Variants in DLC1 observed in about 807,000 individuals in gnomAD.
DLC1 encodes DLC1 Rho GTPase activating protein, also known as rho GTPase-activating protein 7.
In DLC1, 54 loss-of-function variants were observed where a neutral mutation model predicts 140.3. The observed-to-expected ratio is 0.38, with a 90% CI of 0.31 to 0.48. DLC1 has a LOEUF of 0.48. Ranked by LOEUF, DLC1 falls within the 20% of genes least tolerant of loss-of-function variation. DLC1 has a pLI of 0.96. For synonymous variants in DLC1, 986 were observed against 728.1 expected (o/e 1.35, Z -5.70); for missense variants, 2,536 against 1,907.0 (o/e 1.33, Z -6.14).
chr8:13,315,440 A>G (rs1832828515), intron 4 of DLC1, among the ~76,000 whole-genome samples: 1 of 152,236 alleles, frequency 6.6e-6, no homozygotes, highest in African/African-American at 2.4e-5. Flanking sequence ...TGGGCAGAAG[A>G]GATGTCCTTG....
In DLC1 at chr8:13,091,383, T is replaced by C. The variant is rs750789954; in HGVS notation, c.3790A>G (p.Asn1264Asp). Reference sequence around the variant, plus strand: ...CCTTGAGTGGCAGCTAGGTTTTCATTCAAATCTTTCTGATCTGGTTTGCCC... The same window carrying C: ...CCTTGAGTGGCAGCTAGGTTTTCATCCAAATCTTTCTGATCTGGTTTGCCC... ...SLGKPDQKDL[N>D]ENLAATQGLA... is the part of the protein sequence containing the mutation. The change falls in exon 14 of 18, where the codon AAT becomes GAT. Residue 1264 changes from asparagine (N) to aspartate (D), a missense_variant. Physicochemically the swap from Asn to Asp is conservative, Grantham distance 23. Coordinates refer to ENST00000276297, the MANE Select transcript of DLC1 (RefSeq NM_182643.3). The C allele has an allele frequency of 1.2e-6, 2 of 1,614,082 alleles. No individual in the cohort carries two copies. Among genetic ancestry groups the C allele is most frequent in the African/African-American group, 2.7e-5 (2 of 74,924 alleles).
chr8:13,212,617 T>C (rs13261640), intron 5 of DLC1, among the ~76,000 whole-genome samples: 7,306 of 152,112 alleles, frequency 0.048, 317 homozygotes, highest in Middle Eastern at 0.068. Context: ...TGTGAGAAAA[T>C]AGAAGGAAAA....
chr8:13,299,897 C>T (rs562428078), intron 5 of DLC1, among the ~76,000 whole-genome samples: 1 of 152,210 alleles, frequency 6.6e-6, no homozygotes, highest in Admixed American at 6.5e-5. Flanking sequence ...GATTTTGAAC[C>T]AGAAATGCCA....
chr8:13,431,617 T>C (rs1357841573), intron 2 of DLC1, among the ~76,000 whole-genome samples: 1 of 147,806 alleles, frequency 6.8e-6, no homozygotes, highest in Non-Finnish European at 1.5e-5. Context: ...CCATGGCAAA[T>C]ATGGCTACCT....
At chr8:13,378,721 G>A (rs1395175005) in intron 4 of DLC1, among the ~76,000 whole-genome samples, 1 of 152,034 alleles carries the variant, frequency 6.6e-6, no homozygotes, top group East Asian at 1.9e-4. Context: ...CCTGAAAGAT[G>A]AACAGAACTT....
chr8:13,425,957 C>T (rs1223237715), intron 2 of DLC1, among the ~76,000 whole-genome samples: 1 of 152,062 alleles, frequency 6.6e-6, no homozygotes, highest in Non-Finnish European at 1.5e-5. Flanking sequence ...GTACCACAGG[C>T]ATGCACCACC....
intron 5 of DLC1, among the ~76,000 whole-genome samples, chr8:13,141,240 G>C (rs1321041270): frequency 6.1e-5 from 7 of 114,050 alleles, no homozygotes; most frequent in Non-Finnish European, 1.0e-4. Context: ...GGGTGACACA[G>C]TGCAAGAGTC....
At chr8:13,290,892 C>T (rs924944560) in intron 5 of DLC1, among the ~76,000 whole-genome samples, 1 of 152,168 alleles carries the variant, frequency 6.6e-6, no homozygotes, top group African/African-American at 2.4e-5. Flanking sequence ...GTGGCCAGAG[C>T]TGGAGACTGT....
At chr8:13,376,414 A>G (rs1043501320) in intron 4 of DLC1, among the ~76,000 whole-genome samples, 1 of 152,112 alleles carries the variant, frequency 6.6e-6, no homozygotes, top group Non-Finnish European at 1.5e-5. Flanking sequence ...ACTTGGTGCT[A>G]TAAGAAACAT....
intron 1 of DLC1, chr8:13,567,487 T>C: frequency 6.4e-7 from 1 of 1,552,106 alleles, no homozygotes; most frequent in Non-Finnish European, 8.7e-7. Flanking sequence ...TGCCTTTAGT[T>C]GTACTGTACC....
intron 5 of DLC1, among the ~76,000 whole-genome samples, chr8:13,279,391 C>G (rs144930969): frequency 2.3e-4 from 35 of 152,190 alleles, no homozygotes; most frequent in Non-Finnish European, 4.4e-4. Context: ...CCTGCCTATT[C>G]CTAGTGCAGG....
chr8:13,159,564 G>A (rs575739741), intron 5 of DLC1, among the ~76,000 whole-genome samples: 50 of 152,204 alleles, frequency 3.3e-4, no homozygotes, highest in Non-Finnish European at 6.8e-4. Context: ...AAACCTCTAG[G>A]TGTATCACCT....
chr8:13,459,482 C>G (rs1799560945), intron 2 of DLC1, among the ~76,000 whole-genome samples: 1 of 152,204 alleles, frequency 6.6e-6, no homozygotes, highest in Non-Finnish European at 1.5e-5. Flanking sequence ...CCAAGTAACT[C>G]TTTTGAGCAT....
At chr8:13,256,471 C>G (rs1830232532) in intron 5 of DLC1, among the ~76,000 whole-genome samples, 1 of 152,150 alleles carries the variant, frequency 6.6e-6, no homozygotes, top group South Asian at 2.1e-4. Flanking sequence ...GGAACCAACT[C>G]AAATGTCCAT....
At position 13,373,300 on chromosome 8, in the gene DLC1, C is replaced by T. The variant is rs557565680; in HGVS notation, c.1314+20253G>A. Among the ~76,000 whole-genome samples, 20 of 152,292 alleles carry T rather than the reference C, an allele frequency of 1.3e-4. No individual in the cohort carries two copies. The South Asian group carries it at 4.1e-3, about 32-fold the overall frequency. ...TTTGAATACAAAAGTGTGCTGTGGG[C>T]TTTTCCCTGATGATAAAAGCCTTCT... On this transcript the variant is annotated intron_variant, in intron 4 of 17. Transcript: ENST00000276297.
chr8:13,136,065 CTCT>C (rs1370350530), intron 5 of DLC1, among the ~76,000 whole-genome samples: 1 of 152,224 alleles, frequency 6.6e-6, no homozygotes, highest in Non-Finnish European at 1.5e-5. Context: ...TTTAATTCCA[CTCT>C]TCTTAGAAAT....
At chr8:13,088,455 T>C (rs1331862524) in intron 16 of DLC1, 32 bp downstream of exon 16, 3 of 1,610,582 alleles carry the variant, frequency 1.9e-6, no homozygotes, top group East Asian at 2.2e-5. Flanking sequence ...GGAGTCATCC[T>C]TGTCACAAAA....
chr8:13,396,209 A>G (rs1334243077), intron 3 of DLC1, among the ~76,000 whole-genome samples: 1 of 151,406 alleles, frequency 6.6e-6, no homozygotes, highest in Non-Finnish European at 1.5e-5. Context: ...ACAGGCGCCC[A>G]CCACCACACC....
chr8:13,120,356 A>AAAAAAAAAAAAAAAAAAATAT, intron 5 of DLC1, among the ~76,000 whole-genome samples: 4 of 61,122 alleles, frequency 6.5e-5, no homozygotes, highest in African/African-American at 1.7e-4. Flanking sequence ...AAAAAAAAAA[A>AAAAAAAAAAAAAAAAAAATAT]ATATATATAT....
Sources: allele counts gnomAD v4.1 joint callset (sites outside exome capture counted in the v4.1 genomes callset), GRCh38; gene constraint gnomAD v4.1.1; transcripts MANE v1.5; gene names NCBI Gene and HGNC (gene_info 2026-07-23, HGNC 2026-07-21).